The following NDST1 variants were observed in gnomAD, a reference collection of about 807,000 sequenced individuals.
NDST1 encodes the protein N-deacetylase and N-sulfotransferase 1.
A neutral mutation model predicts 92.8 loss-of-function variants in NDST1; 35 were observed. The ratio of observed to expected loss-of-function variants is 0.38; its 90% CI spans 0.29 to 0.50. NDST1 has a LOEUF of 0.50. Ranked by LOEUF, NDST1 falls within the 20% of genes least tolerant of loss-of-function variation. The probability of loss-of-function intolerance (pLI) is 0.94; values close to 1 mark genes in which losing one functional copy is unlikely to be tolerated. For missense variants in NDST1, 822 were observed against 1,182.7 expected (o/e 0.69, Z 4.47); for synonymous variants, 493 against 500.3 (o/e 0.99, Z 0.19).
Position 150,527,892 on chromosome 5 carries a change from AC to A in NDST1, c.606del (p.Lys203SerfsTer7). On this transcript the variant is annotated frameshift_variant, in exon 3 of 15. Coordinates refer to ENST00000261797, the MANE Select transcript of NDST1 (RefSeq NM_001543.5). LOFTEE classifies it high-confidence loss of function. ...SNLGLKDCSI[N>X]PKSPLLYVTR... Reference sequence around the variant, plus strand: ...CTGGGCCTGAAGGACTGCAGCATCAACCCCAAGTCCCCGCTGCTCTACGTGA... The same window carrying A: ...CTGGGCCTGAAGGACTGCAGCATCAACCCAAGTCCCCGCTGCTCTACGTGA... 1 of 1,613,948 alleles carries A rather than the reference AC, an allele frequency of 6.2e-7. No homozygotes were observed. The highest frequency in any genetic ancestry group is 8.5e-7 in the Non-Finnish European group (1 of 1,179,964).
chr5:150,535,636 G>A (rs557702648), intron 5 of NDST1, 64 bp from the exon 6 acceptor site: 4 of 1,576,956 alleles, frequency 2.5e-6, no homozygotes, highest in African/African-American at 1.3e-5. Flanking sequence ...TTCTACAAAG[G>A]GGGGATAAGG....
chr5:150,520,759 G>A (rs1195132769), intron 1 of NDST1, 109 bp from the exon 2 acceptor site: 5 of 394,684 alleles, frequency 1.3e-5, no homozygotes, highest in African/African-American at 2.1e-5. Context: ...ACCTTGGTTC[G>A]GCAGCCGTAC....
chr5:150,513,399 GA>G (rs745444168), intron 1 of NDST1, among the ~76,000 whole-genome samples: 2 of 152,170 alleles, frequency 1.3e-5, no homozygotes, highest in Non-Finnish European at 2.9e-5. Context: ...GCTGAGGCTC[GA>G]AAATCGCTCG....
At chr5:150,545,229 C>T in intron 10 of NDST1, 83 bp from the exon 11 acceptor site, 4 of 1,493,948 alleles carry the variant, frequency 2.7e-6, no homozygotes, top group Non-Finnish European at 3.7e-6. Flanking sequence ...CATTCTACCC[C>T]AGTGCCTCGC....
At chr5:150,533,283 G>C (rs1307313392) in intron 4 of NDST1, among the ~76,000 whole-genome samples, 1 of 152,232 alleles carries the variant, frequency 6.6e-6, no homozygotes, top group African/African-American at 2.4e-5. Flanking sequence ...GGCTGAGCTG[G>C]CCTGGGTGGG....
At position 150,534,859 on chromosome 5, in the gene NDST1, T is replaced by C. The variant is rs1022935509; in HGVS notation, c.1097-8T>C. 1.2e-6 allele frequency: 2 copies of C among 1,614,148 alleles called. No individual in the cohort carries two copies. Among genetic ancestry groups the C allele is most frequent in the African/African-American group, 2.7e-5 (2 of 74,944 alleles). On this transcript the variant is annotated splice_polypyrimidine_tract_variant and splice_region_variant and intron_variant, in intron 4 of 14. Coordinates refer to ENST00000261797, the MANE Select transcript of NDST1 (RefSeq NM_001543.5). Reference sequence around the variant, plus strand: ...GTGGGTGGTTCTGAGCTGCCTGTGTTGCTGCAGGTACCAATGCTGAGGACG... The same window carrying C: ...GTGGGTGGTTCTGAGCTGCCTGTGTCGCTGCAGGTACCAATGCTGAGGACG...
chr5:150,531,641 A>G (rs1381394651), intron 3 of NDST1, among the ~76,000 whole-genome samples: 2 of 151,356 alleles, frequency 1.3e-5, no homozygotes, highest in African/African-American at 4.9e-5. Context: ...CTGGGATTAC[A>G]GGCGCCTGCC....
chr5:150,528,070 T>C lies in NDST1; in HGVS notation c.780T>C (p.Ala260=), dbSNP rs1754550792. 4.3e-6 allele frequency: 7 copies of C among 1,613,542 alleles called. No individual in the cohort carries two copies. Among genetic ancestry groups the C allele is most frequent in the Non-Finnish European group, 5.9e-6 (7 of 1,179,736 alleles). ...TGGGCGCAGACGCCGGCCTGCATGC[T>C]GCACTGCACGCCACTGTGGTCCAGG... ...PHLGADAGLH[A]ALHATVVQDL... The change falls in exon 3 of 15, where the codon GCT becomes GCC. Residue 260 remains alanine, a synonymous_variant. Transcript: ENST00000261797.
intron 6 of NDST1, among the ~76,000 whole-genome samples, chr5:150,538,137 G>T (rs1158297593): frequency 6.6e-6 from 1 of 152,202 alleles, no homozygotes; most frequent in Non-Finnish European, 1.5e-5. Context: ...CAAGTGCAAA[G>T]GCCCTGAAGC....
At chr5:150,512,833 T>C (rs910501828) in intron 1 of NDST1, among the ~76,000 whole-genome samples, 1 of 152,250 alleles carries the variant, frequency 6.6e-6, no homozygotes, top group African/African-American at 2.4e-5. Context: ...TTAGATTTAG[T>C]GAAACTGAGG....
intron 11 of NDST1, among the ~76,000 whole-genome samples, chr5:150,547,928 C>A (rs1755563141): frequency 6.6e-6 from 1 of 152,188 alleles, no homozygotes; most frequent in African/African-American, 2.4e-5. Context: ...AAGTGATCCA[C>A]CCACCCCAGC....
At chr5:150,508,840 G>C (rs926026725) in intron 1 of NDST1, among the ~76,000 whole-genome samples, 1 of 152,262 alleles carries the variant, frequency 6.6e-6, no homozygotes, top group African/African-American at 2.4e-5. Context: ...GATTCTCAAA[G>C]GGTTCTATAA....
intron 1 of NDST1, among the ~76,000 whole-genome samples, chr5:150,500,370 G>A (rs1164502433): frequency 6.6e-6 from 1 of 152,232 alleles, no homozygotes; most frequent in Non-Finnish European, 1.5e-5. Flanking sequence ...TTGGGTGGCT[G>A]TTGTGCTGGG....
intron 3 of NDST1, 33 bp from the exon 4 acceptor site, chr5:150,532,912 C>T (rs114215059): frequency 1.1e-4 from 176 of 1,599,948 alleles, no homozygotes; most frequent in Non-Finnish European, 1.2e-4. Flanking sequence ...CTGGCTTTCC[C>T]TCACTCATTC....
At chr5:150,531,230 C>T (rs1283536068) in intron 3 of NDST1, among the ~76,000 whole-genome samples, 3 of 152,162 alleles carry the variant, frequency 2.0e-5, no homozygotes, top group Admixed American at 6.5e-5. Context: ...TGTGCTTAGC[C>T]CTTTCTGGCC....
chr5:150,503,253 A>G (rs901649308), upstream of NDST1, among the ~76,000 whole-genome samples: 2 of 152,066 alleles, frequency 1.3e-5, no homozygotes, highest in African/African-American at 4.8e-5. Context: ...GACCAGCCTG[A>G]CCAATATGGA....
intron 5 of NDST1, 70 bp downstream of exon 5, chr5:150,535,091 C>T: frequency 1.3e-6 from 2 of 1,555,930 alleles, no homozygotes; most frequent in Non-Finnish European, 1.7e-6. Flanking sequence ...GACTGCTGGC[C>T]TCTTGCTGCT....
Position 150,540,174 on chromosome 5 carries a change from G to C in NDST1, c.1659G>C (p.Trp553Cys), listed in dbSNP as rs2151293807. ...FKHLVRFLHS[W>C]TNLRLQTLPP... ...ACCTGGTGCGCTTCCTGCACTCCTG[G>C]ACGAACCTCCGGCTGCAGACACTGC... The change falls in exon 8 of 15, where the codon TGG (tryptophan) becomes TGC (cysteine). Residue 553 changes from tryptophan (W) to cysteine (C), a missense_variant. Transcript: ENST00000261797. The C allele has an allele frequency of 6.2e-7, 1 of 1,614,190 alleles. No homozygotes were observed. The highest frequency in any genetic ancestry group is 2.2e-5 in the East Asian group (1 of 44,874).
intron 1 of NDST1, 34 bp from the exon 2 acceptor site, chr5:150,520,834 A>C: frequency 2.4e-6 from 1 of 412,650 alleles, no homozygotes; most frequent in Non-Finnish European, 4.3e-6. Context: ...TGAAGCCCGC[A>C]CTCTGACGCT....
Sources: gnomAD v4.1 joint callset for allele counts (sites outside exome capture counted in the v4.1 genomes callset) on GRCh38, gnomAD v4.1.1 for gene constraint, MANE v1.5 for transcripts, NCBI Gene and HGNC (gene_info 2026-07-23, HGNC 2026-07-21) for gene names.